The following SRRM4 variants were observed in gnomAD, a reference collection of about 807,000 sequenced individuals.
SRRM4 encodes the protein serine/arginine repetitive matrix protein 4.
A neutral mutation model predicts 68.9 loss-of-function variants in SRRM4; 33 were observed. That is an observed-to-expected ratio of 0.48 (90% confidence interval 0.36 to 0.64). The LOEUF is 0.64. Ranked by LOEUF, SRRM4 falls within the 30% of genes least tolerant of loss-of-function variation. The pLI is 0.00. For synonymous variants in SRRM4, 318 were observed against 318.8 expected (o/e 1.00, Z 0.03); for missense variants, 817 against 827.1 (o/e 0.99, Z 0.15).
intron 1 of SRRM4, among the ~76,000 whole-genome samples, chr12:118,996,885 G>A (rs578143542): frequency 6.6e-6 from 1 of 152,202 alleles, no homozygotes; most frequent in African/African-American, 2.4e-5. Context: ...TCAGTTTCTA[G>A]GTGATTACTT....
intron 8 of SRRM4, among the ~76,000 whole-genome samples, chr12:119,137,558 G>A (rs1483161043): frequency 3.4e-5 from 5 of 146,758 alleles, no homozygotes; most frequent in African/African-American, 1.3e-4. Flanking sequence ...GTATATTAAG[G>A]AACAAGGAGA....
chr12:119,047,363 G>A (rs1269649288), intron 1 of SRRM4, among the ~76,000 whole-genome samples: 1 of 151,920 alleles, frequency 6.6e-6, no homozygotes, highest in Non-Finnish European at 1.5e-5. Flanking sequence ...GGTTTTTGGG[G>A]AACAGGTGGT....
At chr12:119,119,362 C>T (rs1954203257) in intron 4 of SRRM4, among the ~76,000 whole-genome samples, 1 of 151,914 alleles carries the variant, frequency 6.6e-6, no homozygotes, top group Non-Finnish European at 1.5e-5. Flanking sequence ...CCCTCCAATT[C>T]TCACATTCTA....
intron 1 of SRRM4, among the ~76,000 whole-genome samples, chr12:119,014,818 T>C (rs1043487201): frequency 6.6e-6 from 1 of 152,154 alleles, no homozygotes; most frequent in Non-Finnish European, 1.5e-5. Flanking sequence ...GAATATCTTA[T>C]GATTACATAC....
At chr12:119,078,007 G>A (rs145325941) in intron 1 of SRRM4, among the ~76,000 whole-genome samples, 227 of 150,904 alleles carry the variant, frequency 1.5e-3, no homozygotes, top group African/African-American at 5.3e-3. Context: ...ATGCTCAAAT[G>A]CATCTAGGCA....
chr12:119,035,426 A>G (rs1953620506), intron 1 of SRRM4, among the ~76,000 whole-genome samples: 1 of 152,196 alleles, frequency 6.6e-6, no homozygotes, highest in Non-Finnish European at 1.5e-5. Flanking sequence ...TAGTTTGCAG[A>G]TAGAAGTAAT....
At chr12:119,122,146 C>T (rs201796833) in intron 6 of SRRM4, 26 bp downstream of exon 6, 13 of 1,550,434 alleles carry the variant, frequency 8.4e-6, no homozygotes, top group African/African-American at 1.4e-5. Flanking sequence ...CTGGAATGTA[C>T]TCATCAGTTT....
At position 119,154,354 on chromosome 12, in the gene SRRM4, G is replaced by A; in HGVS notation, c.1503G>A (p.Pro501=). ...TGAGAAAGCGCCGGAGAGACTCCCC[G>A]AGCCACCTGGAGGCCCGGAGGATAA... is the stretch of plus-strand genomic sequence containing the variant. ...SPMRKRRRDS[P]SHLEARRITS... is the part of the protein sequence containing the mutation. Residue 501 remains proline, a synonymous_variant, in exon 12 of 13, where the codon CCG becomes CCA. Coordinates refer to ENST00000267260, the MANE Select transcript of SRRM4 (RefSeq NM_194286.4). This position sits in a 1 kb window ranked among gnomAD's most constrained non-coding sequence, Gnocchi z 4.7. The A allele has an allele frequency of 6.2e-7, 1 of 1,613,230 alleles. No individual in the cohort carries two copies. The highest frequency in any genetic ancestry group is 8.5e-7 in the Non-Finnish European group (1 of 1,179,778).
At chr12:119,139,553 A>G (rs550956392) in intron 8 of SRRM4, among the ~76,000 whole-genome samples, 1 of 152,348 alleles carries the variant, frequency 6.6e-6, no homozygotes, top group South Asian at 2.1e-4. Flanking sequence ...TTCAGCTGAA[A>G]AGAAGCAGGA....
chr12:119,122,039 T>A, intron 5 of SRRM4, 31 bp from the exon 6 acceptor site: 1 of 1,492,006 alleles, frequency 6.7e-7, no homozygotes, highest in Non-Finnish European at 9.4e-7. Flanking sequence ...GAATTTTGCA[T>A]CTTTCAATTA....
At chr12:119,096,191 T>C (rs77396660) in intron 1 of SRRM4, among the ~76,000 whole-genome samples, 50,563 of 128,604 alleles carry the variant, frequency 0.39, 9,468 homozygotes, top group Middle Eastern at 0.54. Flanking sequence ...CAGCTAATTT[T>C]TTTTTTTTTT....
chr12:119,155,754 T>C (rs1954467700), intron 12 of SRRM4, among the ~76,000 whole-genome samples: 1 of 152,146 alleles, frequency 6.6e-6, no homozygotes, highest in Admixed American at 6.5e-5. Context: ...GTAATTAATA[T>C]AATATAATAC....
At chr12:119,099,177 C>G (rs1296285466) in intron 1 of SRRM4, among the ~76,000 whole-genome samples, 1 of 152,172 alleles carries the variant, frequency 6.6e-6, no homozygotes, top group Non-Finnish European at 1.5e-5. Context: ...TTCTGTCACA[C>G]AGGCTGGAGT....
At chr12:119,058,137 T>C (rs927421078) in intron 1 of SRRM4, among the ~76,000 whole-genome samples, 1 of 152,228 alleles carries the variant, frequency 6.6e-6, no homozygotes, top group African/African-American at 2.4e-5. Flanking sequence ...CTTTTCTTGA[T>C]TTACTCATTT....
intron 11 of SRRM4, among the ~76,000 whole-genome samples, chr12:119,153,852 A>C (rs2136070046): frequency 6.6e-6 from 1 of 152,114 alleles, no homozygotes; most frequent in South Asian, 2.1e-4. Context: ...TCCAGCCCAA[A>C]CAGTCCCGCA....
chr12:119,098,085 T>C (rs568488235), intron 1 of SRRM4, among the ~76,000 whole-genome samples: 1 of 152,334 alleles, frequency 6.6e-6, no homozygotes, highest in East Asian at 1.9e-4. Flanking sequence ...CTCTCTTGGA[T>C]TGATCATTGT....
Position 119,156,564 on chromosome 12 carries a change from C to T in SRRM4, c.1602C>T (p.Ser534=), listed in dbSNP as rs1438382807. The change falls in exon 13 of 13, where the codon TCC becomes TCT. Residue 534 remains serine, a synonymous_variant. Transcript: ENST00000267260. ...PSSSGSLSST[S]SWYSSSSSRS... ...CATCCGGCAGCCTCAGCAGCACCTC[C>T]TCCTGGTACAGCAGCAGCAGTAGCC... The T allele has an allele frequency of 6.2e-7, 1 of 1,611,530 alleles. No individual in the cohort carries two copies. The highest frequency in any genetic ancestry group is 1.3e-5 in the African/African-American group (1 of 74,850).
At chr12:119,051,633 C>T (rs1045777902) in intron 1 of SRRM4, among the ~76,000 whole-genome samples, 3 of 152,208 alleles carry the variant, frequency 2.0e-5, no homozygotes, top group African/African-American at 7.2e-5. Flanking sequence ...CTAAGAAAGA[C>T]TACACAATAC....
chr12:119,075,420 TGAC>T (rs1953901874), intron 1 of SRRM4, among the ~76,000 whole-genome samples: 1 of 149,628 alleles, frequency 6.7e-6, no homozygotes, highest in Non-Finnish European at 1.5e-5. Flanking sequence ...ATGGTGATGA[TGAC>T]AGTAATGATG....
Sources: allele counts gnomAD v4.1 joint callset (sites outside exome capture counted in the v4.1 genomes callset), GRCh38; gene constraint gnomAD v4.1.1; non-coding constraint Gnocchi (gnomAD v3.1); transcripts MANE v1.5; gene names NCBI Gene and HGNC (gene_info 2026-07-23, HGNC 2026-07-21).